The following TTYH1 variants were observed in gnomAD, a reference collection of about 807,000 sequenced individuals.
TTYH1 encodes the protein protein tweety homolog 1.
TTYH1 carries 33 observed loss-of-function variants against 61.2 expected under a neutral mutation model. The ratio of observed to expected loss-of-function variants is 0.54; its 90% CI spans 0.41 to 0.72. The LOEUF (loss-of-function observed/expected upper bound fraction) is 0.72, where lower values mean the gene tolerates loss of function less well. TTYH1 is among the 30% of genes least tolerant of loss of function. The pLI, the probability that TTYH1 is intolerant of heterozygous loss-of-function variation, is 0.00. For synonymous variants in TTYH1, 308 were observed against 266.4 expected, an observed-to-expected ratio of 1.16 and a Z score of -1.52; for missense variants, 538 against 575.8, an observed-to-expected ratio of 0.93 and a Z score of 0.67.
chr19:54,419,242 A>G lies in TTYH1; in HGVS notation c.241A>G (p.Lys81Glu). 1 of 1,608,926 alleles carries G rather than the reference A, an allele frequency of 6.2e-7. No individual in the cohort carries two copies. Among genetic ancestry groups the G allele is most frequent in the Non-Finnish European group, 8.5e-7 (1 of 1,179,890 alleles). ...CCGGCCCCCCGAGCCCCCCGGGTCC[A>G]AGATCCCCTCGCCCGGGGGAGGCTG... is the stretch of plus-strand genomic sequence containing the variant. ...CCRPPEPPGS[K>E]IPSPGGGCVT... is the part of the protein sequence containing the mutation. Residue 81 changes from lysine (K) to glutamate (E), a missense_variant, in exon 2 of 14, where the codon AAG becomes GAG. Lys to Glu is a moderately conservative substitution (Grantham distance 56, BLOSUM62 1). Around this residue, in one of 3 missense-constraint regions of TTYH1, gnomAD observed 157 missense variants for 157.0 expected, o/e 1.00. Transcript: ENST00000376530. The surrounding 1 kb of genome is among the most constrained non-coding windows in gnomAD (Gnocchi z 6.1).
chr19:54,430,308 C>G (rs930668049), intron 7 of TTYH1, among the ~76,000 whole-genome samples: 1 of 152,176 alleles, frequency 6.6e-6, no homozygotes, highest in African/African-American at 2.4e-5. Flanking sequence ...CTGGAGAAAA[C>G]TGGGGAGCAC....
chr19:54,425,395 T>C (rs1444019036), intron 4 of TTYH1, among the ~76,000 whole-genome samples: 2 of 152,244 alleles, frequency 1.3e-5, no homozygotes, highest in East Asian at 3.9e-4. Context: ...TAGCCGTTGC[T>C]GGCTGGAATG....
chr19:54,430,533 T>G lies in TTYH1; in HGVS notation c.884-17T>G. The G allele has an allele frequency of 6.2e-7, 1 of 1,613,570 alleles. No homozygotes were observed. The highest frequency in any genetic ancestry group is 8.5e-7 in the Non-Finnish European group (1 of 1,179,732). On this transcript the variant is annotated splice_polypyrimidine_tract_variant and intron_variant, in intron 7 of 13. Transcript: ENST00000376530. Reference sequence around the variant, plus strand: ...CCCAGGCTCATGGCCTCCTCCCCTCTCCTCCTCCCACTTCAGACATCCTGA... The same window carrying G: ...CCCAGGCTCATGGCCTCCTCCCCTCGCCTCCTCCCACTTCAGACATCCTGA...
Position 54,426,921 on chromosome 19 carries a change from C to T in TTYH1, c.734+153C>T, listed in dbSNP as rs562628995. Among the ~76,000 whole-genome samples the T allele has an allele frequency of 7.9e-5, 12 of 152,162 alleles. No homozygotes were observed. In the South Asian group the frequency reaches 1.5e-3, roughly 18 times the overall value. ...GAGTCAGAGCAGCCCAGGAGGGAGG[C>T]GGGGACAGACCTGAAAACAGGCAGC... On this transcript the variant is annotated intron_variant, in intron 5 of 13. Coordinates refer to ENST00000376530, the MANE Select transcript of TTYH1 (RefSeq NM_020659.4).
chr19:54,431,040 C>T (rs976118257), intron 9 of TTYH1, 59 bp from the exon 10 acceptor site: 13 of 1,521,952 alleles, frequency 8.5e-6, no homozygotes, highest in Non-Finnish European at 1.0e-5. Flanking sequence ...CAGGGCGGGG[C>T]CAGGGCGATG....
At chr19:54,427,966 A>T (rs1315890213) in intron 5 of TTYH1, among the ~76,000 whole-genome samples, 1 of 151,770 alleles carries the variant, frequency 6.6e-6, no homozygotes, top group East Asian at 1.9e-4. Flanking sequence ...ACTGGAGTGC[A>T]GTGGCATGAT....
intron 8 of TTYH1, 32 bp downstream of exon 8, chr19:54,430,637 G>A: frequency 6.2e-7 from 1 of 1,606,724 alleles, no homozygotes; most frequent in Non-Finnish European, 8.5e-7. Context: ...AACGGGTGTT[G>A]AGGGAGCCAG....
In TTYH1 at chr19:54,421,235, C is replaced by T. The variant is rs1260193521; in HGVS notation, c.306-42C>T. 7.0e-7 allele frequency: 1 copy of T among 1,427,714 alleles called. No individual in the cohort carries two copies. Among genetic ancestry groups the T allele is most frequent in the South Asian group, 1.1e-5 (1 of 87,384 alleles). The allele number at this position is 1,427,714 out of a possible 1,614,324, so 88.4% of individuals were successfully genotyped here. A position where few individuals can be genotyped will look rare whatever the true frequency, so the allele number is the denominator to read the frequency against. On this transcript the variant is annotated intron_variant, in intron 2 of 13. Transcript: ENST00000376530. The surrounding 1 kb of genome is among the most constrained non-coding windows in gnomAD (Gnocchi z 4.8). The stretch of plus-strand genomic sequence containing the variant: ...GGGAGGGGACGGTGGCCCCCGGGGT[C>T]CTGGGACCCGCTGAGATTCCTCTCC...
At chr19:54,430,964 G>T (rs2083428481) in intron 9 of TTYH1, 59 bp downstream of exon 9, 1 of 1,544,656 alleles carries the variant, frequency 6.5e-7, no homozygotes, top group Non-Finnish European at 8.8e-7. Flanking sequence ...GACGGGGCGG[G>T]ATGGAGCTGT....
chr19:54,425,163 G>T (rs540462808), intron 4 of TTYH1, among the ~76,000 whole-genome samples: 1 of 152,238 alleles, frequency 6.6e-6, no homozygotes, highest in Non-Finnish European at 1.5e-5. Context: ...GATTGGGAGC[G>T]GCAATGGGTG....
Position 54,435,592 on chromosome 19 carries a change from G to A in TTYH1, c.1176G>A (p.Leu392=). Reference sequence around the variant, plus strand: ...TGTGCGAAGACGCCCTGGAAGGCCTGCTCTTCCTGCTACTCTTCTCCCTGC... The same window carrying A: ...TGTGCGAAGACGCCCTGGAAGGCCTACTCTTCCTGCTACTCTTCTCCCTGC... ...RGLCEDALEG[L]LFLLLFSLLS... Residue 392 remains leucine, a synonymous_variant, in exon 11 of 14, where the codon CTG becomes CTA. Transcript: ENST00000376530. 1 of 1,611,160 alleles carries A rather than the reference G, an allele frequency of 6.2e-7. No individual in the cohort carries two copies. The highest frequency in any genetic ancestry group is 8.5e-7 in the Non-Finnish European group (1 of 1,179,652).
In TTYH1 at chr19:54,415,618, C is replaced by T; in HGVS notation, c.66C>T (p.Ala22=). The T allele has an allele frequency of 6.4e-7, 1 of 1,563,186 alleles. No homozygotes were observed. The highest frequency in any genetic ancestry group is 2.4e-5 in the East Asian group (1 of 42,056). ...ATCTCCTCCACCAGCTGCCCCGCGC[C>T]GACTTCCAGCTCCGCCCGGTGCCCA... The part of the protein sequence containing the change: ...WVHLLHQLPR[A]DFQLRPVPSV... Residue 22 remains alanine (A), a synonymous_variant, in exon 1 of 14, where the codon GCC becomes GCT. Coordinates refer to ENST00000376530, the MANE Select transcript of TTYH1 (RefSeq NM_020659.4). The surrounding 1 kb of genome is among the most constrained non-coding windows in gnomAD (Gnocchi z 5.2).
chr19:54,419,073 C>T lies in TTYH1; in HGVS notation c.127-55C>T. On this transcript the variant is annotated intron_variant, in intron 1 of 13. Coordinates refer to ENST00000376530, the MANE Select transcript of TTYH1 (RefSeq NM_020659.4). The surrounding 1 kb of genome is among the most constrained non-coding windows in gnomAD (Gnocchi z 6.1). ...CCCCCAGCCACGCAGGAAGGGGGAT[C>T]TGAGTGTGGAACACACGGGTGCCCT... is the stretch of plus-strand genomic sequence containing the variant. 6.5e-7 allele frequency: 1 copy of T among 1,538,974 alleles called. No individual in the cohort carries two copies.
chr19:54,424,862 T>G (rs554511142), intron 4 of TTYH1, among the ~76,000 whole-genome samples: 173 of 152,262 alleles, frequency 1.1e-3, no homozygotes, highest in Non-Finnish European at 2.1e-3. Context: ...AACTGAGCAC[T>G]TACTACGTGC....
intron 12 of TTYH1, 81 bp downstream of exon 12, chr19:54,435,954 G>A (rs75185013): frequency 0.041 from 65,092 of 1,591,514 alleles, 2,187 homozygotes; most frequent in African/African-American, 0.15. Flanking sequence ...CTGAGGGCCT[G>A]GCCGCCTGGG....
At chr19:54,422,946 A>AT (rs2083249692) in intron 4 of TTYH1, among the ~76,000 whole-genome samples, 1 of 132,720 alleles carries the variant, frequency 7.5e-6, no homozygotes, top group Non-Finnish European at 1.6e-5. Context: ...AAAAAAAAAA[A>AT]AAAAAGATGA....
rs556930622 is a variant in TTYH1, at chr19:54,436,246, C to G, written c.*42+75C>G. The G allele has an allele frequency of 6.2e-7, 1 of 1,607,648 alleles. No individual in the cohort carries two copies. The highest frequency in any genetic ancestry group is 8.5e-7 in the Non-Finnish European group (1 of 1,174,892). ...CTCCCGCCCTCCGAGCTGCTCCAGG[C>G]ATGGGCTGCGTGCCTCCTGCTGGGT... On this transcript the variant is annotated intron_variant, in intron 13 of 13. Transcript: ENST00000376530. The surrounding 1 kb of genome is among the most constrained non-coding windows in gnomAD (Gnocchi z 4.3).
At chr19:54,430,055 G>A (rs2083403617) in intron 7 of TTYH1, 98 bp downstream of exon 7, 1 of 1,108,312 alleles carries the variant, frequency 9.0e-7, no homozygotes, top group African/African-American at 1.6e-5. Flanking sequence ...GGGTGGGGTG[G>A]GGGTGCAGCC....
rs1285088638 is a variant in TTYH1 at position 54,436,391 on chromosome 19, C to A, written c.*101C>A. 5 of 1,613,886 alleles carry A rather than the reference C, an allele frequency of 3.1e-6. No homozygotes were observed. The highest frequency in any genetic ancestry group is 4.2e-6 in the Non-Finnish European group (5 of 1,179,820). On this transcript the variant is annotated 3_prime_UTR_variant, in exon 14 of 14. Transcript: ENST00000376530. This position sits in a 1 kb window ranked among gnomAD's most constrained non-coding sequence, Gnocchi z 4.3. ...ACCCAGCCTGCCTGGGCTCTGACCA[C>A]TAACACTCTTGGCCATGGACAGCCT...
Sources: allele counts gnomAD v4.1 joint callset (sites outside exome capture counted in the v4.1 genomes callset), GRCh38; gene constraint gnomAD v4.1.1; regional missense constraint gnomAD v4.1.1; non-coding constraint Gnocchi (gnomAD v3.1); transcripts MANE v1.5; gene names NCBI Gene and HGNC (gene_info 2026-07-23, HGNC 2026-07-21).